Variants in CTNNA3 observed in about 807,000 individuals in gnomAD.
The protein encoded by CTNNA3 is catenin alpha-3.
CTNNA3 carries 76 observed loss-of-function variants against 95.7 expected under a neutral mutation model. That is an observed-to-expected ratio of 0.79 (90% confidence interval 0.66 to 0.96). The LOEUF (loss-of-function observed/expected upper bound fraction) is 0.96, where lower values mean the gene tolerates loss of function less well. CTNNA3 is among the 40% of genes least tolerant of loss of function. CTNNA3 has a pLI of 0.00. For synonymous variants in CTNNA3, 431 were observed against 374.4 expected (o/e 1.15, Z -1.74); for missense variants, 1,191 against 1,089.8 (o/e 1.09, Z -1.31).
intron 1 of CTNNA3, among the ~76,000 whole-genome samples, chr10:67,689,804 T>C (rs1240941632): frequency 6.6e-6 from 1 of 152,118 alleles, no homozygotes; most frequent in Admixed American, 6.5e-5. Flanking sequence ...GCCTGGCACC[T>C]GTGTCTTTAG....
intron 14 of CTNNA3, among the ~76,000 whole-genome samples, chr10:66,086,212 T>C (rs1323179297): frequency 6.6e-6 from 1 of 152,124 alleles, no homozygotes; most frequent in Non-Finnish European, 1.5e-5. Flanking sequence ...CGAGCCTATC[T>C]TAGTACTGAG....
At position 67,478,084 on chromosome 10, in the gene CTNNA3, T is replaced by G. The variant is rs371178426; in HGVS notation, c.579+43758A>C. Among the ~76,000 whole-genome samples, 21 of 152,244 alleles carry G rather than the reference T, an allele frequency of 1.4e-4. No homozygotes were observed. In the South Asian group the frequency reaches 2.3e-3, roughly 17 times the overall value. ...GCCAAGATCAACATGAAGAAAGAAT[T>G]TCAGAGCTTGAAGATAGGTCTTTTT... On this transcript the variant is annotated intron_variant, in intron 5 of 17. Coordinates refer to ENST00000433211, the MANE Select transcript of CTNNA3 (RefSeq NM_013266.4).
chr10:67,464,273 G>A (rs573393753), intron 5 of CTNNA3, among the ~76,000 whole-genome samples: 2 of 151,770 alleles, frequency 1.3e-5, no homozygotes, highest in East Asian at 1.9e-4. Context: ...GCAGTCTTTC[G>A]CTCCCCTATC....
At chr10:66,974,907 T>G (rs945211540) in intron 7 of CTNNA3, among the ~76,000 whole-genome samples, 3 of 152,150 alleles carry the variant, frequency 2.0e-5, no homozygotes, top group African/African-American at 7.2e-5. Context: ...TACATTTTTT[T>G]TAAGGAGAAA....
chr10:66,832,243 G>A (rs1417806977), intron 7 of CTNNA3, among the ~76,000 whole-genome samples: 1 of 152,182 alleles, frequency 6.6e-6, no homozygotes. Flanking sequence ...AGAGAGGTCT[G>A]AGACCCTGTA....
intron 5 of CTNNA3, among the ~76,000 whole-genome samples, chr10:67,369,279 T>C (rs1843327797): frequency 6.6e-6 from 1 of 152,176 alleles, no homozygotes; most frequent in Admixed American, 6.5e-5. Flanking sequence ...GTTAGGAGAC[T>C]TGCTGGTCAA....
intron 9 of CTNNA3, among the ~76,000 whole-genome samples, chr10:66,682,157 C>A (rs1305034889): frequency 1.3e-5 from 2 of 152,128 alleles, no homozygotes; most frequent in Non-Finnish European, 2.9e-5. Context: ...CCAGAATTAT[C>A]TATTTTCCCA....
intron 13 of CTNNA3, among the ~76,000 whole-genome samples, chr10:66,230,555 T>A (rs1351983480): frequency 1.3e-5 from 2 of 152,060 alleles, no homozygotes; most frequent in African/African-American, 4.8e-5. Context: ...GGATGCCAGG[T>A]TGGTTGGTCC....
rs372792982 is a variant in CTNNA3 at position 65,934,684 on chromosome 10, C to T, written c.2401-14067G>A. 2.6e-3 allele frequency among the ~76,000 whole-genome samples: 388 copies of T among 151,952 alleles called. 1 individual carries two copies. The highest frequency in any genetic ancestry group is 4.2e-3 in the Non-Finnish European group (287 of 67,968). Reference sequence around the variant, plus strand: ...TATTGAGATATTGTTTAACAATTCCCTCAGAAAGAAATACAAAAATATGGG... The same window carrying T: ...TATTGAGATATTGTTTAACAATTCCTTCAGAAAGAAATACAAAAATATGGG... On this transcript the variant is annotated intron_variant, in intron 17 of 17. Coordinates refer to ENST00000433211, the MANE Select transcript of CTNNA3 (RefSeq NM_013266.4).
At position 66,130,718 on chromosome 10, in the gene CTNNA3, T is replaced by C. The variant is rs552832356; in HGVS notation, c.1885-27469A>G. Among the ~76,000 whole-genome samples, 42 of 151,956 alleles carry C rather than the reference T, an allele frequency of 2.8e-4. No individual in the cohort carries two copies. The South Asian group carries it at 7.5e-3, about 27-fold the overall frequency. ...AACGAGCCAAAAAATGAGCCTGGCATGGTGGCACGCACCTGTAGTCCCAGC... is the reference window on the plus strand; with the variant it reads ...AACGAGCCAAAAAATGAGCCTGGCACGGTGGCACGCACCTGTAGTCCCAGC... On this transcript the variant is annotated intron_variant, in intron 13 of 17. Coordinates refer to ENST00000433211, the MANE Select transcript of CTNNA3 (RefSeq NM_013266.4).
At chr10:67,168,893 G>T (rs1200782743) in intron 7 of CTNNA3, among the ~76,000 whole-genome samples, 1 of 152,176 alleles carries the variant, frequency 6.6e-6, no homozygotes, top group Non-Finnish European at 1.5e-5. Context: ...CATACCCATA[G>T]TCTTAGCTCA....
At chr10:66,673,721 C>G (rs1846746521) in intron 9 of CTNNA3, among the ~76,000 whole-genome samples, 1 of 151,858 alleles carries the variant, frequency 6.6e-6, no homozygotes, top group South Asian at 2.1e-4. Flanking sequence ...AGATATGGGC[C>G]TTATTATATT....
intron 17 of CTNNA3, among the ~76,000 whole-genome samples, chr10:65,938,116 A>C (rs2077371257): frequency 1.3e-5 from 2 of 152,190 alleles, no homozygotes; most frequent in African/African-American, 4.8e-5. Context: ...CATCTCAATG[A>C]GTATGTTGAA....
chr10:66,880,040 C>T (rs1180135466), intron 7 of CTNNA3, among the ~76,000 whole-genome samples: 2 of 151,950 alleles, frequency 1.3e-5, no homozygotes, highest in Non-Finnish European at 2.9e-5. Context: ...CTGGCAGCAA[C>T]GTTCAGAATG....
chr10:66,282,527 C>T (rs1460422674), intron 12 of CTNNA3, among the ~76,000 whole-genome samples: 2 of 151,666 alleles, frequency 1.3e-5, no homozygotes, highest in African/African-American at 4.8e-5. Context: ...TCCTTACATC[C>T]AAATACCTAC....
chr10:67,266,192 A>G (rs1449043881), intron 5 of CTNNA3, among the ~76,000 whole-genome samples: 1 of 152,216 alleles, frequency 6.6e-6, no homozygotes. Flanking sequence ...AAATAAGGAC[A>G]GGATACTACA....
chr10:66,080,303 T>C (rs1214250370), intron 14 of CTNNA3, among the ~76,000 whole-genome samples: 1 of 152,120 alleles, frequency 6.6e-6, no homozygotes, highest in African/African-American at 2.4e-5. Context: ...ATTGTAAAAT[T>C]CTTCAAAATC....
chr10:67,125,728 C>A (rs994807158), intron 7 of CTNNA3, among the ~76,000 whole-genome samples: 1 of 152,144 alleles, frequency 6.6e-6, no homozygotes, highest in Non-Finnish European at 1.5e-5. Flanking sequence ...GATTGGTCTG[C>A]CAATTTGTAT....
intron 13 of CTNNA3, among the ~76,000 whole-genome samples, chr10:66,223,185 G>A (rs1329007092): frequency 6.6e-6 from 1 of 151,898 alleles, no homozygotes; most frequent in Non-Finnish European, 1.5e-5. Context: ...CTGGACATTA[G>A]GAAAAGTTAA....
Sources: gnomAD v4.1 joint callset for allele counts (sites outside exome capture counted in the v4.1 genomes callset) on GRCh38, gnomAD v4.1.1 for gene constraint, MANE v1.5 for transcripts, NCBI Gene and HGNC (gene_info 2026-07-23, HGNC 2026-07-21) for gene names.